Variants in SLC38A1 observed in about 807,000 individuals in gnomAD.
The protein encoded by SLC38A1 is sodium-coupled neutral amino acid symporter 1.
SLC38A1 carries 18 observed loss-of-function variants against 60.3 expected under a neutral mutation model. That is an observed-to-expected ratio of 0.30 (90% confidence interval 0.21 to 0.44). SLC38A1 has a LOEUF of 0.44. SLC38A1 is among the 20% of genes least tolerant of loss of function. The pLI, the probability that SLC38A1 is intolerant of heterozygous loss-of-function variation, is 1.00. For synonymous variants in SLC38A1, 196 were observed against 212.1 expected (o/e 0.92, Z 0.66); for missense variants, 448 against 587.2 (o/e 0.76, Z 2.45).
chr12:46,240,161 T>C (rs988584981), intron 2 of SLC38A1, among the ~76,000 whole-genome samples: 1 of 152,180 alleles, frequency 6.6e-6, no homozygotes, highest in Non-Finnish European at 1.5e-5. Context: ...ATGTTAGCTG[T>C]AGGTAACAGA....
intron 5 of SLC38A1, among the ~76,000 whole-genome samples, chr12:46,218,386 T>C (rs991179313): frequency 1.3e-5 from 2 of 152,186 alleles, no homozygotes; most frequent in Admixed American, 6.5e-5. Flanking sequence ...GAATATGCTG[T>C]TCTCGGTGGG....
At chr12:46,201,253 A>G (rs1939647074) in intron 12 of SLC38A1, 55 bp from the exon 13 acceptor site, 1 of 1,392,516 alleles carries the variant, frequency 7.2e-7, no homozygotes, top group Non-Finnish European at 1.0e-6. Flanking sequence ...TTTAAGCACC[A>G]GTGTTAACAT....
At chr12:46,242,003 GT>G (rs1941464463) in intron 2 of SLC38A1, among the ~76,000 whole-genome samples, 1 of 152,102 alleles carries the variant, frequency 6.6e-6, no homozygotes, top group South Asian at 2.1e-4. Flanking sequence ...CGAGTCTACT[GT>G]TTAAATTTTC....
At chr12:46,217,357 C>G (rs1445751339) in intron 5 of SLC38A1, among the ~76,000 whole-genome samples, 2 of 152,116 alleles carry the variant, frequency 1.3e-5, no homozygotes, top group African/African-American at 4.8e-5. Context: ...TAAGACCAAA[C>G]AAAAATCTTA....
intron 2 of SLC38A1, among the ~76,000 whole-genome samples, chr12:46,241,358 T>A (rs1941441424): frequency 6.6e-6 from 1 of 152,192 alleles, no homozygotes; most frequent in Non-Finnish European, 1.5e-5. Flanking sequence ...TTTCCAGGTA[T>A]CCCCCTCTTT....
At chr12:46,243,573 C>A (rs1469321476) in intron 1 of SLC38A1, among the ~76,000 whole-genome samples, 2 of 152,074 alleles carry the variant, frequency 1.3e-5, no homozygotes, top group Non-Finnish European at 2.9e-5. Context: ...GGAGATGGGG[C>A]CTGAGCTGAG....
intron 9 of SLC38A1, among the ~76,000 whole-genome samples, chr12:46,205,007 T>C (rs1422362367): frequency 1.3e-5 from 2 of 152,204 alleles, no homozygotes; most frequent in African/African-American, 2.4e-5. Context: ...TATGCACTTA[T>C]TGTGTGCATA....
Position 46,259,994 on chromosome 12 carries a change from G to A in SLC38A1, c.-209+8532C>T, listed in dbSNP as rs536875472. 2.0e-5 allele frequency among the ~76,000 whole-genome samples: 3 copies of A among 152,284 alleles called. No homozygotes were observed. The East Asian group carries it at 5.8e-4, about 29-fold the overall frequency. Reference sequence around the variant, plus strand: ...AAGCTGTGTAGCCCCAGGAAAGAAGGTTAACTTCTCTTTGCCTTAGTTTCC... The same window carrying A: ...AAGCTGTGTAGCCCCAGGAAAGAAGATTAACTTCTCTTTGCCTTAGTTTCC... On this transcript the variant is annotated intron_variant, in intron 1 of 16. Coordinates refer to ENST00000398637, the MANE Select transcript of SLC38A1 (RefSeq NM_030674.4).
At chr12:46,258,150 G>A (rs1293408588) in intron 1 of SLC38A1, among the ~76,000 whole-genome samples, 2 of 152,148 alleles carry the variant, frequency 1.3e-5, no homozygotes, top group Non-Finnish European at 2.9e-5. Context: ...CTTGGTTTTG[G>A]TGGGTTTTAG....
At chr12:46,210,562 C>T (rs529355567) in intron 5 of SLC38A1, among the ~76,000 whole-genome samples, 12 of 152,154 alleles carry the variant, frequency 7.9e-5, no homozygotes, top group Admixed American at 2.6e-4. Flanking sequence ...GTGTCCCCAC[C>T]GAAATCTCAC....
intron 3 of SLC38A1, among the ~76,000 whole-genome samples, chr12:46,234,639 G>A (rs1490852426): frequency 6.6e-6 from 1 of 151,972 alleles, no homozygotes; most frequent in East Asian, 1.9e-4. Context: ...AGTAGAGACG[G>A]GGTTTCACCG....
chr12:46,212,291 T>C (rs1254636990), intron 5 of SLC38A1, among the ~76,000 whole-genome samples: 1 of 152,252 alleles, frequency 6.6e-6, no homozygotes, highest in Non-Finnish European at 1.5e-5. Flanking sequence ...GGGATTCCTG[T>C]GTTAACACAG....
intron 5 of SLC38A1, among the ~76,000 whole-genome samples, chr12:46,211,515 T>C (rs1940170784): frequency 6.6e-6 from 1 of 152,236 alleles, no homozygotes; most frequent in African/African-American, 2.4e-5. Context: ...CCTCAGTCAG[T>C]AGCCTCTGCA....
rs114140956 is a variant in SLC38A1 at position 46,196,182 on chromosome 12, C to G, written c.1362+1538G>C. On this transcript the variant is annotated intron_variant, in intron 16 of 16. Transcript: ENST00000398637. ...AGAACACAAGATTATAAGTTCCTTG[C>G]GCTTGAGCATGTTCAGTGAGAGCGC... The G allele has an allele frequency of 2.6e-6, 4 of 1,536,040 alleles. No individual in the cohort carries two copies. The South Asian group carries it at 4.8e-5, about 18-fold the overall frequency.
At chr12:46,250,516 T>A (rs1376045883) in intron 1 of SLC38A1, among the ~76,000 whole-genome samples, 1 of 152,120 alleles carries the variant, frequency 6.6e-6, no homozygotes, top group East Asian at 1.9e-4. Context: ...AGAAATAAAG[T>A]GTATTCAATT....
chr12:46,209,644 T>C (rs989693553), intron 5 of SLC38A1, among the ~76,000 whole-genome samples: 1 of 152,228 alleles, frequency 6.6e-6, no homozygotes, highest in Non-Finnish European at 1.5e-5. Context: ...TTCATGGCTA[T>C]TTTAAAATCT....
intron 16 of SLC38A1, among the ~76,000 whole-genome samples, chr12:46,196,787 G>C (rs980202781): frequency 6.6e-6 from 1 of 152,094 alleles, no homozygotes; most frequent in African/African-American, 2.4e-5. Context: ...CTCCAGAAGG[G>C]ACTCAGGTAG....
chr12:46,248,334 G>T (rs542379192), intron 1 of SLC38A1, among the ~76,000 whole-genome samples: 1 of 152,190 alleles, frequency 6.6e-6, no homozygotes, highest in African/African-American at 2.4e-5. Flanking sequence ...TATAGGGATG[G>T]AGGAAGATCT....
At chr12:46,194,144 C>G (rs934349142) in intron 16 of SLC38A1, among the ~76,000 whole-genome samples, 3 of 152,194 alleles carry the variant, frequency 2.0e-5, no homozygotes, top group African/African-American at 4.8e-5. Context: ...GACAAAATCT[C>G]TCAGCATTTG....
Sources: gnomAD v4.1 joint callset for allele counts (sites outside exome capture counted in the v4.1 genomes callset) on GRCh38, gnomAD v4.1.1 for gene constraint, MANE v1.5 for transcripts, NCBI Gene and HGNC (gene_info 2026-07-23, HGNC 2026-07-21) for gene names.